The following CCDC60 variants were observed in gnomAD, a reference collection of about 807,000 sequenced individuals.
The protein encoded by CCDC60 is coiled-coil domain-containing protein 60.
Under a neutral mutation model 63.5 loss-of-function variants are expected in CCDC60, and 54 were observed. That is an observed-to-expected ratio of 0.85 (90% CI 0.68 to 1.07). CCDC60 has a LOEUF of 1.07. CCDC60 is among the 50% of genes least tolerant of loss of function. CCDC60 has a pLI of 0.00. For synonymous variants in CCDC60, 206 were observed against 238.8 expected (o/e 0.86, Z 1.27); for missense variants, 651 against 684.3 (o/e 0.95, Z 0.54).
chr12:119,444,837 T>G (rs980205140), intron 2 of CCDC60, among the ~76,000 whole-genome samples: 1 of 152,228 alleles, frequency 6.6e-6, no homozygotes, highest in Non-Finnish European at 1.5e-5. Flanking sequence ...ACCTTATCCC[T>G]GCTCGATCTA....
intron 2 of CCDC60, among the ~76,000 whole-genome samples, chr12:119,457,959 G>C (rs1950779253): frequency 6.6e-6 from 1 of 152,214 alleles, no homozygotes; most frequent in African/African-American, 2.4e-5. Flanking sequence ...ATATTTGCTT[G>C]GTGCTTTTGA....
At chr12:119,358,964 T>C (rs1285484751) in intron 1 of CCDC60, among the ~76,000 whole-genome samples, 1 of 152,206 alleles carries the variant, frequency 6.6e-6, no homozygotes, top group Admixed American at 6.5e-5. Context: ...ATGAGTGGAA[T>C]TGCTGGCCAG....
intron 1 of CCDC60, among the ~76,000 whole-genome samples, chr12:119,398,983 G>A (rs940727263): frequency 1.3e-5 from 2 of 152,186 alleles, no homozygotes; most frequent in African/African-American, 4.8e-5. Flanking sequence ...TACAGATGAG[G>A]AAATTGATGC....
intron 2 of CCDC60, 72 bp downstream of exon 2, chr12:119,428,834 C>G (rs750354464): frequency 1.0e-6 from 1 of 970,598 alleles, no homozygotes; most frequent in Admixed American, 2.0e-5. Context: ...GTGTTGCCTA[C>G]AAGTCCTTGC....
At chr12:119,487,121 C>A (rs537264191) in intron 4 of CCDC60, among the ~76,000 whole-genome samples, 1 of 152,154 alleles carries the variant, frequency 6.6e-6, no homozygotes, top group South Asian at 2.1e-4. Context: ...TCATCAGCAC[C>A]TCCTCAGAGC....
chr12:119,473,140 A>G (rs1443347083), intron 3 of CCDC60, among the ~76,000 whole-genome samples: 2 of 152,224 alleles, frequency 1.3e-5, no homozygotes, highest in East Asian at 1.9e-4. Flanking sequence ...GTCAGTAGTT[A>G]GAAAGCAGCT....
At chr12:119,468,662 A>G (rs567375142) in intron 2 of CCDC60, among the ~76,000 whole-genome samples, 50 of 145,196 alleles carry the variant, frequency 3.4e-4, no homozygotes, top group African/African-American at 1.1e-3. Context: ...ATATGCCACT[A>G]AAAAGAAAAA....
intron 1 of CCDC60, among the ~76,000 whole-genome samples, chr12:119,345,294 G>C (rs909127449): frequency 1.3e-4 from 20 of 152,292 alleles, no homozygotes; most frequent in East Asian, 1.2e-3. Flanking sequence ...ATGAGGTCAG[G>C]ATTTCGAGAC....
intron 13 of CCDC60, among the ~76,000 whole-genome samples, chr12:119,533,280 C>T (rs1315972334): frequency 6.6e-6 from 1 of 151,434 alleles, no homozygotes. Flanking sequence ...TTTTTTTCTT[C>T]TAAATTTGTT....
chr12:119,394,100 G>T (rs1039542997), intron 1 of CCDC60, among the ~76,000 whole-genome samples: 2 of 152,128 alleles, frequency 1.3e-5, no homozygotes, highest in Non-Finnish European at 2.9e-5. Context: ...TTTACCAATA[G>T]CTTGCTACAT....
At chr12:119,394,844 A>G (rs1384409569) in intron 1 of CCDC60, among the ~76,000 whole-genome samples, 1 of 152,250 alleles carries the variant, frequency 6.6e-6, no homozygotes, top group African/African-American at 2.4e-5. Flanking sequence ...GGGCAGATGC[A>G]TAAAACAAGT....
intron 3 of CCDC60, among the ~76,000 whole-genome samples, chr12:119,475,620 C>A (rs1167266506): frequency 6.6e-6 from 1 of 152,186 alleles, no homozygotes; most frequent in Non-Finnish European, 1.5e-5. Flanking sequence ...TGTCTACACC[C>A]AGACAGGGTA....
chr12:119,454,770 A>T (rs1322880171), intron 2 of CCDC60, among the ~76,000 whole-genome samples: 1 of 152,224 alleles, frequency 6.6e-6, no homozygotes, highest in Non-Finnish European at 1.5e-5. Flanking sequence ...TAAACAAAAT[A>T]AAGAATTACC....
intron 10 of CCDC60, among the ~76,000 whole-genome samples, 189 bp downstream of exon 10, chr12:119,523,190 A>G (rs917644932): frequency 2.0e-5 from 3 of 152,208 alleles, no homozygotes; most frequent in Admixed American, 6.5e-5. Context: ...AATGCAGACA[A>G]TGGCAAGAAA....
At chr12:119,491,656 C>T (rs1170831514) in intron 5 of CCDC60, among the ~76,000 whole-genome samples, 1 of 152,006 alleles carries the variant, frequency 6.6e-6, no homozygotes, top group Non-Finnish European at 1.5e-5. Flanking sequence ...TGCCCAGTTA[C>T]AAGTGTTTCT....
At chr12:119,523,313 CTGAAACCTGGCCACG>C (rs1246983573) in intron 10 of CCDC60, among the ~76,000 whole-genome samples, 2 of 152,208 alleles carry the variant, frequency 1.3e-5, no homozygotes, top group African/African-American at 4.8e-5. Flanking sequence ...AAGGAGCAGG[CTGAAACCTGGCCACG>C]TGAAATGTCT....
intron 1 of CCDC60, among the ~76,000 whole-genome samples, chr12:119,421,784 G>A (rs978750260): frequency 5.9e-5 from 9 of 152,212 alleles, no homozygotes; most frequent in African/African-American, 2.2e-4. Context: ...TCAAACCTAG[G>A]TCTTTCTGAC....
intron 1 of CCDC60, among the ~76,000 whole-genome samples, chr12:119,339,300 A>T (rs1955507127): frequency 6.6e-6 from 1 of 152,164 alleles, no homozygotes; most frequent in Non-Finnish European, 1.5e-5. Context: ...GAAAACTCAA[A>T]AGTAGCATTT....
intron 5 of CCDC60, among the ~76,000 whole-genome samples, chr12:119,496,321 A>G (rs559720503): frequency 4.7e-4 from 72 of 152,344 alleles, no homozygotes; most frequent in Non-Finnish European, 8.5e-4. Flanking sequence ...GCCACTGTGG[A>G]TAGACATCTT....
Sources: gnomAD v4.1 joint callset for allele counts (sites outside exome capture counted in the v4.1 genomes callset) on GRCh38, gnomAD v4.1.1 for gene constraint, MANE v1.5 for transcripts, NCBI Gene and HGNC (gene_info 2026-07-23, HGNC 2026-07-21) for gene names.